The following CNBD1 variants were observed in gnomAD, a reference collection of about 807,000 sequenced individuals.
CNBD1 encodes cyclic nucleotide binding domain containing 1.
Under a neutral mutation model 54.4 loss-of-function variants are expected in CNBD1, and 71 were observed. That is an observed-to-expected ratio of 1.30 (90% CI 1.08 to 1.59). CNBD1 has a LOEUF of 1.59. CNBD1 is among the 40% of genes most tolerant of loss of function. CNBD1 has a pLI of 0.00. For missense variants in CNBD1, 659 were observed against 518.0 expected, an observed-to-expected ratio of 1.27 and a Z score of -2.64; for synonymous variants, 182 against 170.7, an observed-to-expected ratio of 1.07 and a Z score of -0.51.
chr8:87,154,191 A>C (rs914520536), intron 4 of CNBD1, among the ~76,000 whole-genome samples: 1 of 152,208 alleles, frequency 6.6e-6, no homozygotes, highest in African/African-American at 2.4e-5. Context: ...AACCTATCGC[A>C]TCTCCAATTT....
At chr8:87,273,203 C>T (rs1320598782) in intron 6 of CNBD1, among the ~76,000 whole-genome samples, 1 of 151,808 alleles carries the variant, frequency 6.6e-6, no homozygotes, top group African/African-American at 2.4e-5. Context: ...TGAAATATAG[C>T]TCAAATTATT....
chr8:86,933,429 C>T (rs1809490960), intron 3 of CNBD1, among the ~76,000 whole-genome samples: 1 of 152,074 alleles, frequency 6.6e-6, no homozygotes, highest in African/African-American at 2.4e-5. Flanking sequence ...ATGAATTAGT[C>T]ATTAAATCTC....
chr8:87,180,794 T>G (rs1813296235), intron 4 of CNBD1, among the ~76,000 whole-genome samples: 1 of 152,184 alleles, frequency 6.6e-6, no homozygotes, highest in Admixed American at 6.5e-5. Flanking sequence ...CCATATTTTA[T>G]GTACTAGGGA....
chr8:86,885,956 A>G (rs1038235467), intron 1 of CNBD1, among the ~76,000 whole-genome samples: 2 of 152,148 alleles, frequency 1.3e-5, no homozygotes, highest in Non-Finnish European at 2.9e-5. Context: ...GCAATTCTTA[A>G]TCTTATCTTC....
chr8:87,190,402 G>A (rs1813576220), intron 4 of CNBD1, among the ~76,000 whole-genome samples: 1 of 151,968 alleles, frequency 6.6e-6, no homozygotes, highest in South Asian at 2.1e-4. Context: ...ATTTTTCCAG[G>A]TTGTAAATCT....
At chr8:87,335,023 C>T (rs1252759241) in intron 8 of CNBD1, among the ~76,000 whole-genome samples, 3 of 151,920 alleles carry the variant, frequency 2.0e-5, no homozygotes, top group Non-Finnish European at 4.4e-5. Context: ...TGTGCCCAGC[C>T]AAGTTTCTTG....
intron 2 of CNBD1, among the ~76,000 whole-genome samples, chr8:87,423,820 TC>T (rs1006424715): frequency 2.6e-5 from 4 of 152,162 alleles, no homozygotes; most frequent in African/African-American, 9.7e-5. Flanking sequence ...TCCCTCTTTT[TC>T]TATTGATTGG....
chr8:87,351,561 A>G, intron 8 of CNBD1, 124 bp from the exon 9 acceptor site: 3 of 882,476 alleles, frequency 3.4e-6, no homozygotes, highest in Non-Finnish European at 4.8e-6. Flanking sequence ...ATAAACTGGA[A>G]TCTATTAAGA....
At chr8:87,096,801 TCC>T (rs1011598312) in intron 4 of CNBD1, among the ~76,000 whole-genome samples, 6 of 145,016 alleles carry the variant, frequency 4.1e-5, no homozygotes, top group Non-Finnish European at 7.7e-5. Flanking sequence ...TCATTTTTCT[TCC>T]CTTTTTTTTT....
chr8:87,374,010 A>G (rs1810873166), intron 10 of CNBD1, among the ~76,000 whole-genome samples: 1 of 151,812 alleles, frequency 6.6e-6, no homozygotes, highest in Non-Finnish European at 1.5e-5. Flanking sequence ...GGTAATTACA[A>G]CTAGGCTTTT....
chr8:87,164,320 A>G (rs1475132366), intron 4 of CNBD1, among the ~76,000 whole-genome samples: 1 of 151,804 alleles, frequency 6.6e-6, no homozygotes, highest in Admixed American at 6.6e-5. Flanking sequence ...TAAGTTTGGA[A>G]GTGTTGTCTC....
At chr8:87,353,584 T>A (rs923703118) in intron 9 of CNBD1, 52 bp from the exon 10 acceptor site, 15 of 1,181,688 alleles carry the variant, frequency 1.3e-5, no homozygotes, top group Middle Eastern at 2.8e-4. Context: ...CAATACTGAT[T>A]CATTATATGG....
intron 4 of CNBD1, among the ~76,000 whole-genome samples, chr8:87,107,321 C>G (rs114683320): frequency 6.6e-6 from 1 of 152,142 alleles, no homozygotes; most frequent in South Asian, 2.1e-4. Context: ...CCACTTGCTC[C>G]GTAGGTTCTA....
At chr8:87,349,500 C>T (rs1456549902) in intron 8 of CNBD1, among the ~76,000 whole-genome samples, 1 of 152,068 alleles carries the variant, frequency 6.6e-6, no homozygotes, top group Non-Finnish European at 1.5e-5. Flanking sequence ...CTCAGCCTTC[C>T]GATTAGCTGG....
intron 4 of CNBD1, among the ~76,000 whole-genome samples, chr8:87,087,415 G>A (rs1402989701): frequency 1.3e-5 from 2 of 149,926 alleles, no homozygotes; most frequent in Admixed American, 1.3e-4. Flanking sequence ...TTTTGTTGAA[G>A]AACGTTGTAA....
chr8:87,357,632 C>T (rs1810446547), intron 10 of CNBD1, among the ~76,000 whole-genome samples: 1 of 152,088 alleles, frequency 6.6e-6, no homozygotes, highest in Admixed American at 6.5e-5. Context: ...TGTTTTTGGT[C>T]TTACAGGCTC....
chr8:87,174,495 T>C lies in CNBD1; in HGVS notation c.432-31498T>C, dbSNP rs1813157531. The stretch of plus-strand genomic sequence containing the variant: ...AATTCCTTCTCTGTGTTATCTTTAA[T>C]TTCTTTAAGTTTCCTCAAATCAGCT... On this transcript the variant is annotated intron_variant, in intron 4 of 10. Coordinates refer to ENST00000518476, the MANE Select transcript of CNBD1 (RefSeq NM_173538.3). 2.0e-5 allele frequency among the ~76,000 whole-genome samples: 3 copies of C among 152,334 alleles called. No homozygotes were observed. The South Asian group carries it at 6.2e-4, about 32-fold the overall frequency.
intron 4 of CNBD1, among the ~76,000 whole-genome samples, chr8:87,089,972 CTA>C (rs1164204632): frequency 6.6e-6 from 1 of 151,996 alleles, no homozygotes; most frequent in African/African-American, 2.4e-5. Context: ...TCTATTTCTC[CTA>C]TTTTATTGTA....
intron 1 of CNBD1, among the ~76,000 whole-genome samples, chr8:86,877,310 C>G (rs190497565): frequency 7.2e-4 from 110 of 152,186 alleles, no homozygotes; most frequent in Non-Finnish European, 1.2e-3. Context: ...TTAATGTTTA[C>G]AAAATTTGCC....
Sources: allele counts gnomAD v4.1 joint callset (sites outside exome capture counted in the v4.1 genomes callset), GRCh38; gene constraint gnomAD v4.1.1; transcripts MANE v1.5; gene names NCBI Gene and HGNC (gene_info 2026-07-23, HGNC 2026-07-21).